ARHGAP42: variants seen among roughly 807,000 people sequenced by gnomAD.
The protein encoded by ARHGAP42 is Rho GTPase activating protein 42.
In ARHGAP42, 63 loss-of-function variants were observed where a neutral mutation model predicts 125.0. That is an observed-to-expected ratio of 0.50 (90% CI 0.41 to 0.62). The LOEUF is 0.62. Ranked by LOEUF, ARHGAP42 falls within the 20% of genes least tolerant of loss-of-function variation. The pLI is 0.00. For missense variants in ARHGAP42, 766 were observed against 1,024.2 expected (o/e 0.75, Z 3.44); for synonymous variants, 339 against 351.0 (o/e 0.97, Z 0.38).
At chr11:100,747,805 T>A (rs909205357) in intron 1 of ARHGAP42, among the ~76,000 whole-genome samples, 13 of 146,146 alleles carry the variant, frequency 8.9e-5, no homozygotes, top group Non-Finnish European at 9.0e-5. Context: ...TTATACAACA[T>A]TTCTTGCATA....
intron 3 of ARHGAP42, among the ~76,000 whole-genome samples, chr11:100,824,821 C>T (rs1478359067): frequency 6.6e-6 from 1 of 152,182 alleles, no homozygotes; most frequent in African/African-American, 2.4e-5. Flanking sequence ...ACCTCTATTA[C>T]CACACATTTT....
At chr11:100,748,401 C>T (rs1389269380) in intron 1 of ARHGAP42, among the ~76,000 whole-genome samples, 3 of 150,474 alleles carry the variant, frequency 2.0e-5, no homozygotes, top group South Asian at 4.1e-4. Context: ...GGGAGTTCCT[C>T]GTAGGTCTGG....
Position 100,871,356 on chromosome 11 carries a change from G to A in ARHGAP42, c.384+11731G>A, listed in dbSNP as rs1054865154. Among the ~76,000 whole-genome samples the A allele has an allele frequency of 2.0e-4, 31 of 151,678 alleles. 1 individual carries two copies. The highest frequency in any genetic ancestry group is 2.0e-4 in the Admixed American group (3 of 15,246). Reference sequence around the variant, plus strand: ...AGGTCAGGAGTTCGAGACCAGCCTGGCCAACTGGTGAAACCCCCATCTCTA... The same window carrying A: ...AGGTCAGGAGTTCGAGACCAGCCTGACCAACTGGTGAAACCCCCATCTCTA... On this transcript the variant is annotated intron_variant, in intron 4 of 23. Transcript: ENST00000298815.
At chr11:100,712,077 A>T (rs1042003560) in intron 1 of ARHGAP42, among the ~76,000 whole-genome samples, 1 of 152,166 alleles carries the variant, frequency 6.6e-6, no homozygotes, top group Non-Finnish European at 1.5e-5. Context: ...ACAGCAGGTA[A>T]TATTGATTGC....
chr11:100,917,599 T>G (rs954774111), intron 5 of ARHGAP42, among the ~76,000 whole-genome samples: 5 of 152,176 alleles, frequency 3.3e-5, no homozygotes, highest in African/African-American at 1.2e-4. Flanking sequence ...TGAGACCAAG[T>G]CTCACTCTGT....
At chr11:100,842,967 C>G (rs1864976614) in intron 3 of ARHGAP42, among the ~76,000 whole-genome samples, 1 of 151,790 alleles carries the variant, frequency 6.6e-6, no homozygotes, top group Admixed American at 6.6e-5. Context: ...TAACCAAGAT[C>G]AGAGCAGAAC....
chr11:100,912,286 C>T (rs1866943362), intron 4 of ARHGAP42, among the ~76,000 whole-genome samples: 1 of 152,158 alleles, frequency 6.6e-6, no homozygotes, highest in Admixed American at 6.6e-5. Flanking sequence ...TTCCCTTCCA[C>T]CACCCATCCG....
chr11:100,903,643 C>G (rs1866624358), intron 4 of ARHGAP42, among the ~76,000 whole-genome samples: 1 of 141,318 alleles, frequency 7.1e-6, no homozygotes, highest in South Asian at 2.2e-4. Context: ...GAGATTGACA[C>G]TTGGATGCTG....
At chr11:100,962,562 T>G (rs998485166) in intron 16 of ARHGAP42, 95 bp downstream of exon 16, 8 of 1,137,496 alleles carry the variant, frequency 7.0e-6, no homozygotes, top group African/African-American at 4.7e-5. Context: ...GTGAAGATTT[T>G]TTTCAAGTAT....
Position 100,990,035 on chromosome 11 carries a change from G to A in ARHGAP42, c.*1234G>A, listed in dbSNP as rs80079519. On this transcript the variant is annotated 3_prime_UTR_variant, in exon 24 of 24. Transcript: ENST00000298815. ...AATTTCAGTGAATTTGTAGAGCATAGTAATAGGTATTTACTGTCCACTTAT... is the reference window on the plus strand; with the variant it reads ...AATTTCAGTGAATTTGTAGAGCATAATAATAGGTATTTACTGTCCACTTAT... The A allele has an allele frequency of 6.8e-4, 104 of 152,268 alleles. No homozygotes were observed. In the East Asian group the frequency reaches 0.017, roughly 25 times the overall value. 9.4% of individuals were successfully genotyped at this position (152,268 alleles called of 1,614,324 possible).
chr11:100,883,540 A>G (rs974197968), intron 4 of ARHGAP42, among the ~76,000 whole-genome samples: 2 of 152,078 alleles, frequency 1.3e-5, no homozygotes, highest in Admixed American at 6.6e-5. Flanking sequence ...ATGGGGCTTC[A>G]CCATTTTGGC....
At chr11:100,973,422 T>C in intron 18 of ARHGAP42, 88 bp downstream of exon 18, 1 of 1,322,040 alleles carries the variant, frequency 7.6e-7, no homozygotes, top group South Asian at 1.4e-5. Flanking sequence ...CTCATGAGTT[T>C]TGTATAAATT....
intron 3 of ARHGAP42, among the ~76,000 whole-genome samples, chr11:100,842,531 T>G (rs941770604): frequency 1.3e-5 from 2 of 152,094 alleles, no homozygotes; most frequent in Non-Finnish European, 2.9e-5. Context: ...CAGTGTAAAT[T>G]ATCAGAATTA....
intron 10 of ARHGAP42, 39 bp from the exon 11 acceptor site, chr11:100,948,418 G>A: frequency 7.2e-7 from 1 of 1,385,824 alleles, no homozygotes. Context: ...TTAAAAAGTA[G>A]TAAATGTGTA....
rs186512494 is a variant in ARHGAP42, at chr11:100,924,859, G to A, written c.597+3255G>A. 2.9e-4 allele frequency among the ~76,000 whole-genome samples: 44 copies of A among 151,912 alleles called. 1 individual carries two copies. Among genetic ancestry groups the A allele is most frequent in the African/African-American group, 9.2e-4 (38 of 41,372 alleles). The stretch of plus-strand genomic sequence containing the variant: ...TTTGGTGTTTTTGAGATGGAGTGTC[G>A]CCCTGTTGCCCAGGCTGGAGTGCAG... On this transcript the variant is annotated intron_variant, in intron 6 of 23. Transcript: ENST00000298815.
intron 8 of ARHGAP42, among the ~76,000 whole-genome samples, chr11:100,940,159 A>G (rs1013077439): frequency 2.0e-5 from 3 of 152,222 alleles, no homozygotes; most frequent in Admixed American, 6.5e-5. Context: ...TAATTTTAAA[A>G]TCTGGAGTGG....
intron 3 of ARHGAP42, among the ~76,000 whole-genome samples, chr11:100,847,977 T>C (rs1445474581): frequency 6.6e-6 from 1 of 152,084 alleles, no homozygotes; most frequent in Admixed American, 6.6e-5. Context: ...TATCTTGAAA[T>C]GTAAGATTAA....
chr11:100,860,365 A>G (rs773403649), intron 4 of ARHGAP42, among the ~76,000 whole-genome samples: 3 of 152,180 alleles, frequency 2.0e-5, no homozygotes, highest in African/African-American at 4.8e-5. Flanking sequence ...GAAATAGCCT[A>G]CTAATTGATC....
At chr11:100,939,292 ATGAT>A (rs1249584586) in intron 8 of ARHGAP42, among the ~76,000 whole-genome samples, 2 of 152,052 alleles carry the variant, frequency 1.3e-5, no homozygotes, top group African/African-American at 4.8e-5. Flanking sequence ...CCATGTCATA[ATGAT>A]ATTGCAAGAA....
Sources: gnomAD v4.1 joint callset for allele counts (sites outside exome capture counted in the v4.1 genomes callset) on GRCh38, gnomAD v4.1.1 for gene constraint, MANE v1.5 for transcripts, NCBI Gene and HGNC (gene_info 2026-07-23, HGNC 2026-07-21) for gene names.